FIGN: variants seen among roughly 807,000 people sequenced by gnomAD.
FIGN encodes the protein fidgetin.
FIGN carries 11 observed loss-of-function variants against 51.3 expected under a neutral mutation model. The observed-to-expected ratio is 0.21, with a 90% confidence interval of 0.13 to 0.35. FIGN has a LOEUF of 0.35. Among genes scored for constraint, FIGN ranks in the 10% least tolerant of loss-of-function variants. The pLI is 1.00. For synonymous variants in FIGN, 407 were observed against 363.2 expected (o/e 1.12, Z -1.37); for missense variants, 857 against 943.6 (o/e 0.91, Z 1.20).
At chr2:163,683,041 T>C (rs1684090311) in intron 2 of FIGN, among the ~76,000 whole-genome samples, 1 of 152,100 alleles carries the variant, frequency 6.6e-6, no homozygotes, top group Admixed American at 6.5e-5. Context: ...CCAAATATAT[T>C]AAGAAACCAG....
chr2:163,663,318 A>G (rs1683720511), intron 2 of FIGN, among the ~76,000 whole-genome samples: 2 of 150,272 alleles, frequency 1.3e-5, no homozygotes, highest in African/African-American at 2.5e-5. Flanking sequence ...TGTAGATGTC[A>G]GGTTGTTTTT....
At chr2:163,734,677 A>G (rs1684986916) in intron 2 of FIGN, among the ~76,000 whole-genome samples, 1 of 152,048 alleles carries the variant, frequency 6.6e-6, no homozygotes, top group Admixed American at 6.6e-5. Context: ...GACAGCTAAA[A>G]CCGATAAAAG....
rs895702406 is a variant in FIGN at position 163,608,700 on chromosome 2, T to TA, written c.*851dup. 2.6e-5 allele frequency: 4 copies of TA among 152,434 alleles called. No homozygotes were observed. The highest frequency in any genetic ancestry group is 6.5e-5 in the Admixed American group (1 of 15,272). The allele number at this position is 152,434 out of a possible 1,614,324, so 9.4% of individuals were successfully genotyped here. A position where few individuals can be genotyped will look rare whatever the true frequency, so the allele number is the denominator to read the frequency against. On this transcript the variant is annotated 3_prime_UTR_variant, in exon 3 of 3. Coordinates refer to ENST00000333129, the MANE Select transcript of FIGN (RefSeq NM_018086.4). ...ATTCCCCATAATTAGTAAAAGAACT[T>TA]AAAAAAATCCTTCCATTTCTACTTT...
intron 2 of FIGN, among the ~76,000 whole-genome samples, chr2:163,654,651 A>G (rs1345900066): frequency 6.6e-6 from 1 of 152,188 alleles, no homozygotes; most frequent in African/African-American, 2.4e-5. Flanking sequence ...ACATCCATTC[A>G]GTGCTAGACT....
chr2:163,693,109 C>T (rs1327790899), intron 2 of FIGN, among the ~76,000 whole-genome samples: 1 of 152,176 alleles, frequency 6.6e-6, no homozygotes, highest in African/African-American at 2.4e-5. Context: ...AACTGGTCAC[C>T]AACCACCTGA....
At chr2:163,626,426 T>C (rs529418215) in intron 2 of FIGN, among the ~76,000 whole-genome samples, 22 of 152,196 alleles carry the variant, frequency 1.4e-4, no homozygotes, top group Non-Finnish European at 2.5e-4. Context: ...TAAACAAATT[T>C]ATTTATGAAT....
intron 2 of FIGN, among the ~76,000 whole-genome samples, chr2:163,641,667 C>T (rs899811650): frequency 2.6e-5 from 4 of 152,144 alleles, no homozygotes; most frequent in South Asian, 2.1e-4. Context: ...AAATCCGATG[C>T]GGAAGAAGAA....
intron 2 of FIGN, among the ~76,000 whole-genome samples, chr2:163,675,620 C>A (rs1348241297): frequency 6.6e-6 from 1 of 151,744 alleles, no homozygotes. Context: ...TCTGCATGTG[C>A]GCATGCCCAG....
Position 163,610,813 on chromosome 2 carries a change from T to C in FIGN, c.1019A>G (p.Gln340Arg), listed in dbSNP as rs901175806. The C allele has an allele frequency of 1.3e-6, 2 of 1,495,916 alleles. No homozygotes were observed. Among genetic ancestry groups the C allele is most frequent in the African/African-American group, 1.9e-5 (1 of 53,958 alleles). 92.7% of individuals were successfully genotyped at this position (1,495,916 alleles called of 1,614,324 possible). The change falls in exon 3 of 3, where the codon CAA becomes CGA. Residue 340 changes from glutamine (Q) to arginine (R), a missense_variant. Transcript: ENST00000333129. ...CATAGGACTCTGTGTAGATCTCTGT[T>C]GGCCATAGCTGTAATTTCCATAACT... ...DSSYGNYSYG[Q>R]QRSTQSPMYR...
At chr2:163,710,470 A>G (rs565776020) in intron 2 of FIGN, among the ~76,000 whole-genome samples, 70 of 152,200 alleles carry the variant, frequency 4.6e-4, no homozygotes, top group Non-Finnish European at 6.2e-4. Context: ...CAATTAATGC[A>G]TTGGCCAACA....
intron 2 of FIGN, among the ~76,000 whole-genome samples, chr2:163,669,503 C>T (rs888766151): frequency 6.6e-6 from 1 of 152,106 alleles, no homozygotes; most frequent in African/African-American, 2.4e-5. Flanking sequence ...ATAAGAAATA[C>T]GTATTTGACT....
chr2:163,733,559 G>A (rs775477720), intron 2 of FIGN, among the ~76,000 whole-genome samples: 2 of 152,082 alleles, frequency 1.3e-5, no homozygotes, highest in Admixed American at 1.3e-4. Context: ...CAGCTCCGGG[G>A]GAAAAAAAGC....
chr2:163,646,164 T>C (rs1211950556), intron 2 of FIGN, among the ~76,000 whole-genome samples: 2 of 152,190 alleles, frequency 1.3e-5, no homozygotes, highest in African/African-American at 2.4e-5. Context: ...AATGAATGAA[T>C]CTGCTCAAAA....
intron 2 of FIGN, among the ~76,000 whole-genome samples, chr2:163,690,718 T>C (rs1251923414): frequency 4.6e-5 from 7 of 152,090 alleles, no homozygotes; most frequent in Admixed American, 4.6e-4. Context: ...TATAAATATA[T>C]AAAAGATTAT....
At position 163,706,576 on chromosome 2, in the gene FIGN, G is replaced by A. The variant is rs1160169376; in HGVS notation, c.25+28327C>T. Among the ~76,000 whole-genome samples the A allele has an allele frequency of 2.6e-5, 4 of 152,208 alleles. No individual in the cohort carries two copies. The South Asian group carries it at 8.3e-4, about 32-fold the overall frequency. ...TGTATTTATTTCAGATTTAGACTGAGCTAATTTTTCTTTTTGTAAAATGAA... is the reference window on the plus strand; with the variant it reads ...TGTATTTATTTCAGATTTAGACTGAACTAATTTTTCTTTTTGTAAAATGAA... On this transcript the variant is annotated intron_variant, in intron 2 of 2. Coordinates refer to ENST00000333129, the MANE Select transcript of FIGN (RefSeq NM_018086.4).
At chr2:163,671,366 C>A (rs1683873012) in intron 2 of FIGN, among the ~76,000 whole-genome samples, 1 of 152,144 alleles carries the variant, frequency 6.6e-6, no homozygotes, top group Admixed American at 6.5e-5. Context: ...TCTAAACATG[C>A]AGAAAAGGGA....
rs150681896 is a variant in FIGN, at chr2:163,682,451, C to T, written c.25+52452G>A. Among the ~76,000 whole-genome samples, 206 of 152,226 alleles carry T rather than the reference C, an allele frequency of 1.4e-3. 1 individual carries two copies. Among genetic ancestry groups the T allele is most frequent in the African/African-American group, 4.6e-3 (190 of 41,536 alleles). ...TGGAGGAGATATAAAAGGAGGAGTACGTGGCAAAAGTCATGCACTTCAAGG... is the reference window on the plus strand; with the variant it reads ...TGGAGGAGATATAAAAGGAGGAGTATGTGGCAAAAGTCATGCACTTCAAGG... On this transcript the variant is annotated intron_variant, in intron 2 of 2. Transcript: ENST00000333129.
At chr2:163,617,128 A>G in intron 2 of FIGN, 1 of 985,278 alleles carries the variant, frequency 1.0e-6, no homozygotes, top group Non-Finnish European at 1.2e-6. Context: ...TTTGATCTGG[A>G]AATTTCTTCA....
intron 2 of FIGN, 43 bp from the exon 3 acceptor site, chr2:163,611,849 C>T (rs985308219): frequency 6.6e-7 from 1 of 1,518,380 alleles, no homozygotes; most frequent in Non-Finnish European, 8.9e-7. Flanking sequence ...CTTAAATAGG[C>T]ATCAGAACTC....
Sources: allele counts gnomAD v4.1 joint callset (sites outside exome capture counted in the v4.1 genomes callset), GRCh38; gene constraint gnomAD v4.1.1; transcripts MANE v1.5; gene names NCBI Gene and HGNC (gene_info 2026-07-23, HGNC 2026-07-21).